Variants in ATXN7L1 observed in about 807,000 individuals in gnomAD.
The protein encoded by ATXN7L1 is ataxin 7 like 1.
A neutral mutation model predicts 70.8 loss-of-function variants in ATXN7L1; 15 were observed. The observed-to-expected ratio is 0.21, with a 90% CI of 0.14 to 0.33. The LOEUF is 0.33. Ranked by LOEUF, ATXN7L1 falls within the 10% of genes least tolerant of loss-of-function variation. The pLI, the probability that ATXN7L1 is intolerant of heterozygous loss-of-function variation, is 1.00. For synonymous variants in ATXN7L1, 440 were observed against 445.1 expected (o/e 0.99, Z 0.14); for missense variants, 975 against 1,097.1 (o/e 0.89, Z 1.57).
At chr7:105,619,520 ATATATATATATTTTTTTTTTTTTTT>A (rs1794557256) in intron 9 of ATXN7L1, among the ~76,000 whole-genome samples, 2 of 19,084 alleles carry the variant, frequency 1.0e-4, no homozygotes, top group African/African-American at 5.2e-4. Context: ...ATATATATAT[ATATATATATATTTTTTTTTTTTTTT>A]TTTTTTTTTT....
chr7:105,867,376 G>A (rs980931753), intron 2 of ATXN7L1, among the ~76,000 whole-genome samples: 2 of 152,192 alleles, frequency 1.3e-5, no homozygotes, highest in African/African-American at 4.8e-5. Flanking sequence ...CCAATGCGAT[G>A]TGGTACTTTT....
chr7:105,811,555 G>C (rs1439586501), intron 2 of ATXN7L1, among the ~76,000 whole-genome samples: 1 of 152,184 alleles, frequency 6.6e-6, no homozygotes, highest in East Asian at 1.9e-4. Context: ...AGCAGGTGGT[G>C]GGATGTCTGA....
At chr7:105,835,726 T>G (rs1391090964) in intron 2 of ATXN7L1, among the ~76,000 whole-genome samples, 1 of 152,190 alleles carries the variant, frequency 6.6e-6, no homozygotes. Flanking sequence ...CAACAAGAGC[T>G]TTTCTGACCC....
At chr7:105,673,317 AG>A (rs1355827235) in intron 3 of ATXN7L1, among the ~76,000 whole-genome samples, 1 of 152,222 alleles carries the variant, frequency 6.6e-6, no homozygotes, top group Non-Finnish European at 1.5e-5. Context: ...CAAATACTCA[AG>A]GTGGCTCCCT....
intron 3 of ATXN7L1, among the ~76,000 whole-genome samples, chr7:105,727,863 A>T (rs1796097490): frequency 6.7e-6 from 1 of 148,330 alleles, no homozygotes; most frequent in Non-Finnish European, 1.5e-5. Flanking sequence ...CCATATATAT[A>T]TATATGCAAG....
At chr7:105,638,655 T>C in intron 6 of ATXN7L1, 46 bp from the exon 7 acceptor site, 1 of 1,494,356 alleles carries the variant, frequency 6.7e-7, no homozygotes, top group Non-Finnish European at 8.9e-7. Context: ...GATCAGCACA[T>C]AAACCTGCTT....
At chr7:105,780,970 AT>A (rs1414263636) in intron 3 of ATXN7L1, among the ~76,000 whole-genome samples, 1 of 152,208 alleles carries the variant, frequency 6.6e-6, no homozygotes, top group Non-Finnish European at 1.5e-5. Flanking sequence ...GGCATGTTAT[AT>A]TTTACGGCAG....
intron 3 of ATXN7L1, among the ~76,000 whole-genome samples, chr7:105,671,073 T>C (rs561475949): frequency 3.6e-4 from 47 of 130,012 alleles, no homozygotes; most frequent in Admixed American, 6.1e-4. Flanking sequence ...CGCCACTGCA[T>C]TCCAGCCTGG....
At chr7:105,659,924 C>G (rs1178424555) in intron 4 of ATXN7L1, among the ~76,000 whole-genome samples, 6 of 151,254 alleles carry the variant, frequency 4.0e-5, no homozygotes, top group African/African-American at 1.5e-4. Context: ...TTAGATACTT[C>G]AAAATCCACT....
chr7:105,854,563 A>G (rs969266745), intron 2 of ATXN7L1, among the ~76,000 whole-genome samples: 2 of 151,260 alleles, frequency 1.3e-5, no homozygotes, highest in African/African-American at 4.9e-5. Context: ...CAAAAACCCC[A>G]TCATATGAAA....
chr7:105,694,100 T>C (rs1374462524), intron 3 of ATXN7L1, among the ~76,000 whole-genome samples: 2 of 149,656 alleles, frequency 1.3e-5, no homozygotes, highest in East Asian at 3.9e-4. Flanking sequence ...TAGGCTGGAG[T>C]GCAGTGGTGC....
chr7:105,731,777 A>AGAAAAGAAAAGAAAG (rs1796589851), intron 3 of ATXN7L1, among the ~76,000 whole-genome samples: 1 of 67,600 alleles, frequency 1.5e-5, no homozygotes, highest in Admixed American at 1.5e-4. Context: ...AGAAAAGAAA[A>AGAAAAGAAAAGAAAG]GAAAAGAAAA....
chr7:105,717,459 A>G (rs1794704377), intron 3 of ATXN7L1, among the ~76,000 whole-genome samples: 2 of 151,908 alleles, frequency 1.3e-5, no homozygotes, highest in East Asian at 1.9e-4. Flanking sequence ...TTTAGAGGCT[A>G]CTCTGTAGCC....
intron 3 of ATXN7L1, among the ~76,000 whole-genome samples, chr7:105,773,281 C>T (rs1802264703): frequency 6.6e-6 from 1 of 152,150 alleles, no homozygotes; most frequent in Admixed American, 6.5e-5. Context: ...ACCTGATTCC[C>T]ACAAGACAAG....
chr7:105,607,721 G>T lies in ATXN7L1; in HGVS notation c.*131C>A. On this transcript the variant is annotated 3_prime_UTR_variant, in exon 12 of 12. Coordinates refer to ENST00000419735, the MANE Select transcript of ATXN7L1 (RefSeq NM_020725.2). Reference sequence around the variant, plus strand: ...GTCAATTAAAAAAAGAAGAAGAAAGGCCAGAGTCACAGGGAGTGCACAGAA... The same window carrying T: ...GTCAATTAAAAAAAGAAGAAGAAAGTCCAGAGTCACAGGGAGTGCACAGAA... The T allele has an allele frequency of 2.9e-6, 2 of 694,500 alleles. No homozygotes were observed. Among genetic ancestry groups the T allele is most frequent in the Non-Finnish European group, 4.8e-6 (2 of 420,642 alleles). 43.0% of individuals were successfully genotyped at this position (694,500 alleles called of 1,614,324 possible).
chr7:105,787,686 G>A (rs1283462659), intron 3 of ATXN7L1, among the ~76,000 whole-genome samples: 1 of 152,148 alleles, frequency 6.6e-6, no homozygotes, highest in African/African-American at 2.4e-5. Flanking sequence ...GGAAATGTGC[G>A]TAATTTGCAA....
At chr7:105,686,644 A>T (rs763220585) in intron 3 of ATXN7L1, among the ~76,000 whole-genome samples, 3 of 152,248 alleles carry the variant, frequency 2.0e-5, no homozygotes, top group Non-Finnish European at 4.4e-5. Context: ...ATGCCCTAAC[A>T]CGAAGCCTAT....
chr7:105,762,741 G>A lies in ATXN7L1; in HGVS notation c.355+25863C>T, dbSNP rs546588986. The stretch of plus-strand genomic sequence containing the variant: ...TGGAGCCCAATTCCCTTCCTGCAGT[G>A]TGTGGGCTGGACTTAGAGACTGATT... On this transcript the variant is annotated intron_variant, in intron 3 of 11. Coordinates refer to ENST00000419735, the MANE Select transcript of ATXN7L1 (RefSeq NM_020725.2). Among the ~76,000 whole-genome samples, 23 of 152,340 alleles carry A rather than the reference G, an allele frequency of 1.5e-4. No homozygotes were observed. In the East Asian group the frequency reaches 4.2e-3, roughly 28 times the overall value.
At chr7:105,682,246 G>C (rs1259421434) in intron 3 of ATXN7L1, among the ~76,000 whole-genome samples, 2 of 151,994 alleles carry the variant, frequency 1.3e-5, no homozygotes. Context: ...AAAAAACAAA[G>C]AGTTCAGGAG....
Sources: allele counts gnomAD v4.1 joint callset (sites outside exome capture counted in the v4.1 genomes callset), GRCh38; gene constraint gnomAD v4.1.1; transcripts MANE v1.5; gene names NCBI Gene and HGNC (gene_info 2026-07-23, HGNC 2026-07-21).